Variants in ATP6V0A4 observed in about 807,000 individuals in gnomAD.
ATP6V0A4 encodes ATPase H+ transporting V0 subunit a4.
ATP6V0A4 carries 86 observed loss-of-function variants against 107.3 expected under a neutral mutation model. That is an observed-to-expected ratio of 0.80 (90% CI 0.67 to 0.96). The LOEUF (loss-of-function observed/expected upper bound fraction) is 0.96. Among genes scored for constraint, ATP6V0A4 ranks in the 40% least tolerant of loss-of-function variants. ATP6V0A4 has a pLI of 0.00. For synonymous variants in ATP6V0A4, 353 were observed against 381.4 expected (o/e 0.93, Z 0.87); for missense variants, 908 against 1,045.6 (o/e 0.87, Z 1.81).
At position 138,792,255 on chromosome 7, in the gene ATP6V0A4, G is replaced by A. The variant is rs971603680; in HGVS notation, c.-121+5779C>T. ...CCCAGGAGGCAGCTTGCAGTGAGCCGAGATAGCGCCACTGCACTCCAGCCT... is the reference window on the plus strand; with the variant it reads ...CCCAGGAGGCAGCTTGCAGTGAGCCAAGATAGCGCCACTGCACTCCAGCCT... On this transcript the variant is annotated intron_variant, in intron 1 of 21. Coordinates refer to ENST00000310018, the MANE Select transcript of ATP6V0A4 (RefSeq NM_020632.3). Among the ~76,000 whole-genome samples, 3 of 152,198 alleles carry A rather than the reference G, an allele frequency of 2.0e-5. No individual in the cohort carries two copies. The South Asian group carries it at 6.2e-4, about 32-fold the overall frequency.
chr7:138,713,289 A>G (rs1370064993), intron 20 of ATP6V0A4, among the ~76,000 whole-genome samples: 1 of 151,530 alleles, frequency 6.6e-6, no homozygotes, highest in Non-Finnish European at 1.5e-5. Context: ...TGAAAAAAAA[A>G]AAAAAAAAAA....
chr7:138,713,358 G>A (rs1482898403), intron 20 of ATP6V0A4, among the ~76,000 whole-genome samples: 1 of 151,720 alleles, frequency 6.6e-6, no homozygotes, highest in South Asian at 2.1e-4. Flanking sequence ...GTGCATCAGC[G>A]TTCATGTGCA....
chr7:138,714,631 T>C (rs1005081), intron 20 of ATP6V0A4, among the ~76,000 whole-genome samples: 77,716 of 151,924 alleles, frequency 0.51, 20,397 homozygotes, highest in African/African-American at 0.63. Flanking sequence ...GGGCCTGGCC[T>C]GACTGATCCT....
intron 4 of ATP6V0A4, 96 bp from the exon 5 acceptor site, chr7:138,768,970 C>T: frequency 6.3e-7 from 1 of 1,582,140 alleles, no homozygotes; most frequent in East Asian, 2.3e-5. Flanking sequence ...TCACTCAGCT[C>T]AGCTACCTGA....
intron 18 of ATP6V0A4, among the ~76,000 whole-genome samples, chr7:138,725,274 C>T (rs1233746997): frequency 6.6e-6 from 1 of 152,092 alleles, no homozygotes; most frequent in African/African-American, 2.4e-5. Context: ...AAAATACATA[C>T]ATAAAATAAA....
At chr7:138,712,712 C>G (rs996994401) in intron 20 of ATP6V0A4, among the ~76,000 whole-genome samples, 10 of 151,646 alleles carry the variant, frequency 6.6e-5, no homozygotes. Context: ...GGCAGGCAGC[C>G]ATGAACCATA....
chr7:138,737,369 G>A (rs868164998), intron 15 of ATP6V0A4, among the ~76,000 whole-genome samples: 9 of 151,196 alleles, frequency 6.0e-5, no homozygotes, highest in South Asian at 4.2e-4. Context: ...CTTGCCTGCC[G>A]CCATGTAAGA....
At chr7:138,747,884 A>G (rs1028812116) in intron 12 of ATP6V0A4, among the ~76,000 whole-genome samples, 7 of 152,054 alleles carry the variant, frequency 4.6e-5, no homozygotes, top group African/African-American at 1.7e-4. Flanking sequence ...CCTCTTGAGT[A>G]GCTGGAACTA....
intron 2 of ATP6V0A4, chr7:138,780,040 G>A (rs1047295569): frequency 6.6e-6 from 1 of 152,152 alleles, no homozygotes; most frequent in Non-Finnish European, 1.5e-5. Flanking sequence ...TTACCTGGTG[G>A]AGTGACCCAA....
At chr7:138,764,776 C>T (rs1331665190) in intron 5 of ATP6V0A4, 1 of 152,160 alleles carries the variant, frequency 6.6e-6, no homozygotes, top group East Asian at 1.9e-4. Flanking sequence ...CTAAAAGACA[C>T]TGTTAACAGA....
chr7:138,764,489 C>T (rs1380768718), intron 5 of ATP6V0A4, among the ~76,000 whole-genome samples: 1 of 151,862 alleles, frequency 6.6e-6, no homozygotes, highest in African/African-American at 2.4e-5. Context: ...GACATATATC[C>T]ACAAAGGGGT....
At chr7:138,733,187 C>T in intron 16 of ATP6V0A4, 94 bp from the exon 17 acceptor site, 2 of 1,550,900 alleles carry the variant, frequency 1.3e-6, no homozygotes, top group Non-Finnish European at 1.7e-6. Flanking sequence ...ACAAAATGTT[C>T]TATCTTTTTT....
intron 2 of ATP6V0A4, among the ~76,000 whole-genome samples, chr7:138,784,289 TACACACACAC>T (rs537165545): frequency 2.3e-5 from 1 of 43,802 alleles, no homozygotes; most frequent in Admixed American, 3.2e-4. Context: ...TACATATATA[TACACACACAC>T]ACACACACAT....
intron 1 of ATP6V0A4, among the ~76,000 whole-genome samples, chr7:138,789,222 G>GT (rs779547524): frequency 0.016 from 2,341 of 150,424 alleles, 27 homozygotes; most frequent in Non-Finnish European, 0.023. Flanking sequence ...TTTTTGGGGG[G>GT]TTTTTTTTTG....
chr7:138,716,513 G>A (rs1424189112), intron 19 of ATP6V0A4, among the ~76,000 whole-genome samples: 1 of 148,274 alleles, frequency 6.7e-6, no homozygotes, highest in Non-Finnish European at 1.5e-5. Flanking sequence ...ATAACAGAAC[G>A]AAGAAGACAG....
Position 138,739,753 on chromosome 7 carries a change from T to C in ATP6V0A4, c.1479-120A>G, listed in dbSNP as rs909295747. On this transcript the variant is annotated intron_variant, in intron 14 of 21. Coordinates refer to ENST00000310018, the MANE Select transcript of ATP6V0A4 (RefSeq NM_020632.3). ...CAACTACTGGTGCAATTCATCACTT[T>C]GGTTGGTTCAATATCTACTACACAT... The C allele has an allele frequency of 1.1e-5, 17 of 1,522,828 alleles. 1 individual carries two copies. The highest frequency in any genetic ancestry group is 5.9e-5 in the Admixed American group (3 of 51,110). 94.3% of individuals were successfully genotyped at this position (1,522,828 alleles called of 1,614,324 possible).
intron 5 of ATP6V0A4, among the ~76,000 whole-genome samples, chr7:138,765,285 C>T (rs1807029114): frequency 6.6e-6 from 1 of 152,056 alleles, no homozygotes; most frequent in Admixed American, 6.6e-5. Context: ...AAAGCCATTA[C>T]CCTGAATTTT....
At chr7:138,756,063 C>CAGT in intron 9 of ATP6V0A4, 1 of 559,838 alleles carries the variant, frequency 1.8e-6, no homozygotes, top group Non-Finnish European at 3.1e-6. Context: ...GCTGGGCTTG[C>CAGT]CCCTTCCTAA....
intron 10 of ATP6V0A4, 106 bp downstream of exon 10, chr7:138,755,583 A>G: frequency 6.7e-7 from 1 of 1,490,412 alleles, no homozygotes; most frequent in Admixed American, 1.9e-5. Context: ...CCAGCATTCC[A>G]GCCAGCCTCC....
Sources: gnomAD v4.1 joint callset for allele counts (sites outside exome capture counted in the v4.1 genomes callset) on GRCh38, gnomAD v4.1.1 for gene constraint, MANE v1.5 for transcripts, NCBI Gene and HGNC (gene_info 2026-07-23, HGNC 2026-07-21) for gene names.